CDH12: variants seen among roughly 807,000 people sequenced by gnomAD.
CDH12 encodes cadherin-12.
CDH12 carries 41 observed loss-of-function variants against 74.1 expected under a neutral mutation model. The ratio of observed to expected loss-of-function variants is 0.55; its 90% CI spans 0.43 to 0.72. The LOEUF is 0.72. CDH12 is among the 30% of genes least tolerant of loss of function. The probability of loss-of-function intolerance (pLI) is 0.00; values close to 1 mark genes in which losing one functional copy is unlikely to be tolerated. For synonymous variants in CDH12, 399 were observed against 355.0 expected, an observed-to-expected ratio of 1.12 and a Z score of -1.39; for missense variants, 945 against 977.2, an observed-to-expected ratio of 0.97 and a Z score of 0.44.
intron 2 of CDH12, among the ~76,000 whole-genome samples, chr5:22,420,510 C>A (rs1234323811): frequency 6.6e-6 from 1 of 152,070 alleles, no homozygotes; most frequent in Admixed American, 6.6e-5. Context: ...CCTTAGATCT[C>A]TATACTATTC....
intron 1 of CDH12, among the ~76,000 whole-genome samples, chr5:22,710,393 T>A (rs1277572415): frequency 2.0e-5 from 3 of 152,134 alleles, no homozygotes; most frequent in Non-Finnish European, 2.9e-5. Context: ...CTGTTCAGAT[T>A]ATAAAACAGA....
At chr5:22,584,511 A>G (rs1018932348) in intron 1 of CDH12, among the ~76,000 whole-genome samples, 2 of 152,146 alleles carry the variant, frequency 1.3e-5, no homozygotes, top group African/African-American at 4.8e-5. Flanking sequence ...TTAACTATGT[A>G]TATTACTATG....
chr5:21,773,080 C>T (rs1329201077), intron 11 of CDH12, among the ~76,000 whole-genome samples: 5 of 152,166 alleles, frequency 3.3e-5, no homozygotes, highest in Non-Finnish European at 2.9e-5. Flanking sequence ...GGTATTATTT[C>T]TAAATTACAC....
chr5:22,485,606 T>G (rs975015493), intron 2 of CDH12, among the ~76,000 whole-genome samples: 1 of 152,238 alleles, frequency 6.6e-6, no homozygotes, highest in African/African-American at 2.4e-5. Flanking sequence ...TAGAGTATTA[T>G]TTGTATAGTT....
chr5:22,681,161 T>A (rs890236140), intron 1 of CDH12, among the ~76,000 whole-genome samples: 1 of 151,812 alleles, frequency 6.6e-6, no homozygotes, highest in Admixed American at 6.6e-5. Context: ...AAGAATGCCA[T>A]GAAATTATAC....
At chr5:22,274,331 A>G (rs976289492) in intron 3 of CDH12, among the ~76,000 whole-genome samples, 2 of 152,182 alleles carry the variant, frequency 1.3e-5, no homozygotes, top group African/African-American at 4.8e-5. Flanking sequence ...GTTAGTTTTA[A>G]TAATTCAATT....
intron 4 of CDH12, among the ~76,000 whole-genome samples, chr5:22,152,648 T>A (rs1265409156): frequency 6.6e-6 from 1 of 152,216 alleles, no homozygotes; most frequent in Non-Finnish European, 1.5e-5. Context: ...ATATCCACTC[T>A]CAACATTTTC....
At chr5:21,873,620 T>TA (rs202069750) in intron 6 of CDH12, among the ~76,000 whole-genome samples, 11,472 of 152,264 alleles carry the variant, frequency 0.075, 648 homozygotes, top group East Asian at 0.3. Flanking sequence ...GTGCTATTTT[T>TA]TAAAAATTTT....
rs867419828 is a variant in CDH12, at chr5:22,097,202, C to T, written c.-186-18340G>A. Among the ~76,000 whole-genome samples the T allele has an allele frequency of 3.3e-5, 5 of 152,264 alleles. No homozygotes were observed. In the Middle Eastern group the frequency reaches 0.014, roughly 414 times the overall value. Reference sequence around the variant, plus strand: ...GCTGTGTCCCATCTGTGTAGGACCCCACTGAAAATCAGACTGTTCAACTCA... The same window carrying T: ...GCTGTGTCCCATCTGTGTAGGACCCTACTGAAAATCAGACTGTTCAACTCA... On this transcript the variant is annotated intron_variant, in intron 4 of 14. Transcript: ENST00000382254.
At chr5:22,491,206 A>G (rs1334647332) in intron 2 of CDH12, among the ~76,000 whole-genome samples, 1 of 152,070 alleles carries the variant, frequency 6.6e-6, no homozygotes, top group Admixed American at 6.5e-5. Context: ...GCCCATGTGT[A>G]CCCGATGTTT....
At chr5:21,812,617 C>T (rs1272457900) in intron 9 of CDH12, among the ~76,000 whole-genome samples, 1 of 152,002 alleles carries the variant, frequency 6.6e-6, no homozygotes, top group African/African-American at 2.4e-5. Context: ...TTTTTATGGG[C>T]TTTATTCAAT....
intron 1 of CDH12, among the ~76,000 whole-genome samples, chr5:22,790,511 T>C (rs1420887611): frequency 1.3e-5 from 2 of 152,086 alleles, no homozygotes; most frequent in Non-Finnish European, 2.9e-5. Context: ...TTTCATCTTA[T>C]CCGTTGGCTT....
At chr5:21,975,578 C>T (rs1486140767) in intron 5 of CDH12, among the ~76,000 whole-genome samples, 193 bp from the exon 6 acceptor site, 7 of 152,106 alleles carry the variant, frequency 4.6e-5, no homozygotes, top group African/African-American at 1.7e-4. Flanking sequence ...AAAATTTCAA[C>T]ACAAAAAGTT....
At chr5:21,940,554 C>T (rs527744119) in intron 6 of CDH12, among the ~76,000 whole-genome samples, 67 of 152,286 alleles carry the variant, frequency 4.4e-4, no homozygotes, top group Admixed American at 2.7e-3. Context: ...TCACTGCCAT[C>T]CCACCAAACA....
At chr5:22,155,735 G>A (rs1580336105) in intron 4 of CDH12, among the ~76,000 whole-genome samples, 1 of 152,204 alleles carries the variant, frequency 6.6e-6, no homozygotes. Flanking sequence ...TAAGTCATAT[G>A]TTTAAGGAAA....
rs139031033 is a variant in CDH12, at chr5:22,398,385, G to A, written c.-333+6872C>T. ...ATTTAAGTTGCTACTTCATACCAAC[G>A]CCCTCTTTTACAATTACTTCTAGCT... On this transcript the variant is annotated intron_variant, in intron 3 of 14. Transcript: ENST00000382254. 2.9e-3 allele frequency among the ~76,000 whole-genome samples: 442 copies of A among 152,166 alleles called. 4 individuals carry two copies. The highest frequency in any genetic ancestry group is 9.9e-3 in the African/African-American group (413 of 41,554).
chr5:22,025,184 T>C (rs1323929078), intron 5 of CDH12, among the ~76,000 whole-genome samples: 2 of 152,126 alleles, frequency 1.3e-5, no homozygotes, highest in African/African-American at 4.8e-5. Context: ...ATTAATGATA[T>C]AGGTCTAGCC....
chr5:22,728,022 A>G (rs1257259894), intron 1 of CDH12, among the ~76,000 whole-genome samples: 2 of 151,750 alleles, frequency 1.3e-5, no homozygotes, highest in African/African-American at 4.8e-5. Flanking sequence ...AAATTTAACT[A>G]CTTCACCATT....
intron 2 of CDH12, among the ~76,000 whole-genome samples, chr5:22,476,332 T>C (rs1456619878): frequency 6.6e-6 from 1 of 151,978 alleles, no homozygotes; most frequent in African/African-American, 2.4e-5. Context: ...AACCAAATTA[T>C]ATGTTTTATT....
Sources: gnomAD v4.1 joint callset for allele counts (sites outside exome capture counted in the v4.1 genomes callset) on GRCh38, gnomAD v4.1.1 for gene constraint, MANE v1.5 for transcripts, NCBI Gene and HGNC (gene_info 2026-07-23, HGNC 2026-07-21) for gene names.